The following YWHAQ variants were observed in gnomAD, a reference collection of about 807,000 sequenced individuals.
The protein encoded by YWHAQ is tyrosine 3-monooxygenase/tryptophan 5-monooxygenase activation protein theta.
In YWHAQ, 6 loss-of-function variants were observed where a neutral mutation model predicts 28.3. The observed-to-expected ratio is 0.21, with a 90% CI of 0.12 to 0.42. YWHAQ has a LOEUF of 0.42. Ranked by LOEUF, YWHAQ falls within the 10% of genes least tolerant of loss-of-function variation. YWHAQ has a pLI of 1.00. For missense variants in YWHAQ, 201 were observed against 305.6 expected (o/e 0.66, Z 2.55); for synonymous variants, 143 against 119.1 (o/e 1.20, Z -1.31).
Position 9,619,639 on chromosome 2 carries a change from A to T in YWHAQ, c.294+10520T>A, listed in dbSNP as rs193090269. 1.5e-4 allele frequency among the ~76,000 whole-genome samples: 23 copies of T among 152,344 alleles called. No homozygotes were observed. In the East Asian group the frequency reaches 4.4e-3, roughly 29 times the overall value. ...TTTAATTATGTAAAAAGTAACTTCC[A>T]CAGAGCATAGCTATATTTAATGGGA... On this transcript the variant is annotated intron_variant, in intron 2 of 5. Coordinates refer to ENST00000238081, the MANE Select transcript of YWHAQ (RefSeq NM_006826.4).
chr2:9,590,717 G>A (rs545585575), intron 3 of YWHAQ, among the ~76,000 whole-genome samples: 2 of 150,484 alleles, frequency 1.3e-5, no homozygotes, highest in African/African-American at 2.4e-5. Context: ...TGATAGTCTA[G>A]GTTAAAAAAA....
In YWHAQ at chr2:9,588,084, A is replaced by G; in HGVS notation, c.582+81T>C. 1.4e-6 allele frequency: 2 copies of G among 1,449,834 alleles called. 1 individual carries two copies. The highest frequency in any genetic ancestry group is 5.0e-5 in the East Asian group (2 of 40,314). 89.8% of individuals were successfully genotyped at this position (1,449,834 alleles called of 1,614,324 possible). On this transcript the variant is annotated intron_variant, in intron 4 of 5. Transcript: ENST00000238081. ...AGTAGAAATCATCCCTGGGTATCCA[A>G]GTAAAATACCTATAAATTAACATAC...
intron 2 of YWHAQ, among the ~76,000 whole-genome samples, chr2:9,592,079 T>C (rs991361678): frequency 2.6e-5 from 4 of 152,258 alleles, no homozygotes; most frequent in East Asian, 1.9e-4. Context: ...GGATGTGCAC[T>C]CATTTTAGGG....
chr2:9,629,193 A>C (rs755660116), intron 2 of YWHAQ, among the ~76,000 whole-genome samples: 2 of 152,194 alleles, frequency 1.3e-5, no homozygotes, highest in African/African-American at 4.8e-5. Flanking sequence ...AAAAATAAGT[A>C]GGCCTCTTGT....
intron 2 of YWHAQ, among the ~76,000 whole-genome samples, chr2:9,596,359 T>C (rs1666569700): frequency 6.6e-6 from 1 of 152,312 alleles, no homozygotes; most frequent in Non-Finnish European, 1.5e-5. Context: ...AGTGGCAAAA[T>C]TCTGTAACAC....
intron 2 of YWHAQ, among the ~76,000 whole-genome samples, chr2:9,619,891 T>C (rs1020393015): frequency 6.6e-6 from 1 of 152,240 alleles, no homozygotes; most frequent in Admixed American, 6.5e-5. Flanking sequence ...GTTTAACAAC[T>C]GTAGCTTTTA....
chr2:9,615,965 T>A (rs1022654008), intron 2 of YWHAQ, among the ~76,000 whole-genome samples: 1 of 152,170 alleles, frequency 6.6e-6, no homozygotes, highest in Non-Finnish European at 1.5e-5. Flanking sequence ...GTAACAGAAT[T>A]GAAAAGTATT....
intron 2 of YWHAQ, among the ~76,000 whole-genome samples, chr2:9,598,251 T>C (rs1666619368): frequency 6.6e-6 from 1 of 152,166 alleles, no homozygotes; most frequent in Admixed American, 6.5e-5. Context: ...TACATCCTTG[T>C]ATCCACAAGG....
At chr2:9,597,462 A>G (rs575150939) in intron 2 of YWHAQ, among the ~76,000 whole-genome samples, 3 of 152,052 alleles carry the variant, frequency 2.0e-5, no homozygotes. Context: ...CCTGGCCAAC[A>G]CGGTGAAACC....
chr2:9,591,471 C>T lies in YWHAQ; in HGVS notation c.339G>A (p.Glu113=). 1.2e-6 allele frequency: 2 copies of T among 1,611,302 alleles called. No individual in the cohort carries two copies. The highest frequency in any genetic ancestry group is 1.7e-6 in the Non-Finnish European group (2 of 1,177,908). Residue 113 remains glutamate, a synonymous_variant, in exon 3 of 6, where the codon GAG becomes GAA. Coordinates refer to ENST00000238081, the MANE Select transcript of YWHAQ (RefSeq NM_006826.4). Reference sequence around the variant, plus strand: ...TCATTTTCAGATAGAAGACCTTACTCTCTGGATTAGTTGCATTGGCTATTA... The same window carrying T: ...TCATTTTCAGATAGAAGACCTTACTTTCTGGATTAGTTGCATTGGCTATTA... ...KYLIANATNP[E]SKVFYLKMKG...
chr2:9,623,987 G>T (rs548243055), intron 2 of YWHAQ, among the ~76,000 whole-genome samples: 1 of 152,006 alleles, frequency 6.6e-6, no homozygotes, highest in South Asian at 2.1e-4. Flanking sequence ...TATAGGACCC[G>T]GCCAGACACA....
At chr2:9,599,300 G>T (rs11887863) in intron 2 of YWHAQ, among the ~76,000 whole-genome samples, 88,891 of 152,056 alleles carry the variant, frequency 0.58, 28,213 homozygotes, top group African/African-American at 0.8. Flanking sequence ...GTACAAGTGC[G>T]AATGTAGAGC....
chr2:9,597,429 C>T (rs973948495), intron 2 of YWHAQ, among the ~76,000 whole-genome samples: 5 of 152,004 alleles, frequency 3.3e-5, no homozygotes, highest in Admixed American at 1.3e-4. Context: ...GGGCGGATCA[C>T]GAGGTCAGGA....
In YWHAQ at chr2:9,585,429, CAA is replaced by C. The variant is rs112834388; in HGVS notation, c.679-86_679-85del. On this transcript the variant is annotated intron_variant, in intron 5 of 5. Coordinates refer to ENST00000238081, the MANE Select transcript of YWHAQ (RefSeq NM_006826.4). ...AGTATTGTTATATCAAAATTAACTA[CAA>C]GAGTAGTAAATTCCTCAAACAATGG... is the stretch of plus-strand genomic sequence containing the variant. 0.011 allele frequency: 15,449 copies of C among 1,460,274 alleles called. 736 individuals are homozygous for C. In the African/African-American group the frequency reaches 0.14, roughly 13 times the overall value. The allele number at this position is 1,460,274 out of a possible 1,614,324, so 90.5% of individuals were successfully genotyped here. A position where few individuals can be genotyped will look rare whatever the true frequency, so the allele number is the denominator to read the frequency against.
chr2:9,595,352 C>T (rs1643892682), intron 2 of YWHAQ, among the ~76,000 whole-genome samples: 2 of 151,994 alleles, frequency 1.3e-5, no homozygotes, highest in African/African-American at 2.4e-5. Flanking sequence ...GTAAAAAACA[C>T]GGATCAGAGA....
intron 4 of YWHAQ, 59 bp from the exon 5 acceptor site, chr2:9,587,568 C>G: frequency 3.5e-6 from 5 of 1,444,698 alleles, no homozygotes; most frequent in Non-Finnish European, 4.7e-6. Flanking sequence ...GGTTATTCTA[C>G]AATTACAAAC....
chr2:9,608,209 T>C (rs1257631023), intron 2 of YWHAQ, among the ~76,000 whole-genome samples: 1 of 152,022 alleles, frequency 6.6e-6, no homozygotes, highest in Non-Finnish European at 1.5e-5. Flanking sequence ...ATAATCTAAA[T>C]GCTAAGTAGA....
rs79887699 is a variant in YWHAQ at position 9,595,099 on chromosome 2, G to C, written c.295-3584C>G. The stretch of plus-strand genomic sequence containing the variant: ...ACTTCCATCCTGGAGTTTCAGCCAG[G>C]TATCATGGTTCTTTGTCAGATGCCA... On this transcript the variant is annotated intron_variant, in intron 2 of 5. Transcript: ENST00000238081. Among the ~76,000 whole-genome samples the C allele has an allele frequency of 8.6e-3, 1,311 of 152,298 alleles. 62 individuals are homozygous for C. In the East Asian group the frequency reaches 0.11, roughly 13 times the overall value.
At position 9,630,401 on chromosome 2, in the gene YWHAQ, G is replaced by T; in HGVS notation, c.52C>A (p.Arg18Ser). ...QKAKLAEQAE[R>S]YDDMATCMKA... ...ATGCAGGTGGCCATGTCGTCGTAGC[G>T]CTCGGCCTGCTCGGCCAGCTTGGCC... is the stretch of plus-strand genomic sequence containing the variant. The change falls in exon 2 of 6, where the codon CGC becomes AGC. Residue 18 changes from arginine (R) to serine (S), a missense_variant. This residue lies in a region of YWHAQ where 162 missense variants were observed against 213.9 expected (regional missense o/e 0.76). Coordinates refer to ENST00000238081, the MANE Select transcript of YWHAQ (RefSeq NM_006826.4). This position sits in a 1 kb window ranked among gnomAD's most constrained non-coding sequence, Gnocchi z 5.6. 6.2e-7 allele frequency: 1 copy of T among 1,613,300 alleles called. No homozygotes were observed. Among genetic ancestry groups the T allele is most frequent in the Non-Finnish European group, 8.5e-7 (1 of 1,179,974 alleles).
Sources: gnomAD v4.1 joint callset for allele counts (sites outside exome capture counted in the v4.1 genomes callset) on GRCh38, gnomAD v4.1.1 for gene constraint, gnomAD v4.1.1 regional missense constraint, Gnocchi (gnomAD v3.1) non-coding constraint, MANE v1.5 for transcripts, NCBI Gene and HGNC (gene_info 2026-07-23, HGNC 2026-07-21) for gene names.